MITF: variants seen among roughly 807,000 people sequenced by gnomAD.
MITF encodes microphthalmia-associated transcription factor.
MITF carries 17 observed loss-of-function variants against 60.5 expected under a neutral mutation model. The ratio of observed to expected loss-of-function variants is 0.28; its 90% confidence interval spans 0.19 to 0.42. MITF has a LOEUF of 0.42. MITF is among the 10% of genes least tolerant of loss of function. The pLI is 1.00. For synonymous variants in MITF, 260 were observed against 248.5 expected, an observed-to-expected ratio of 1.05 and a Z score of -0.43; for missense variants, 622 against 683.5, an observed-to-expected ratio of 0.91 and a Z score of 1.00.
At chr3:69,753,779 T>G (rs1704025748) in intron 1 of MITF, among the ~76,000 whole-genome samples, 1 of 152,224 alleles carries the variant, frequency 6.6e-6, no homozygotes, top group Non-Finnish European at 1.5e-5. Flanking sequence ...AATTTCTTCC[T>G]TTTTGAACAG....
At chr3:69,842,867 CTTTAT>C (rs1241642189) in intron 1 of MITF, among the ~76,000 whole-genome samples, 3 of 152,074 alleles carry the variant, frequency 2.0e-5, no homozygotes, top group East Asian at 1.9e-4. Flanking sequence ...GTGGTGTAAA[CTTTAT>C]TTTGTTTGTT....
chr3:69,912,141 G>A (rs931416953), intron 2 of MITF, among the ~76,000 whole-genome samples: 2 of 152,176 alleles, frequency 1.3e-5, no homozygotes, highest in Non-Finnish European at 2.9e-5. Context: ...GTTTGTTCAA[G>A]CACATGTATG....
chr3:69,918,080 G>C (rs1298425395), intron 2 of MITF, among the ~76,000 whole-genome samples: 1 of 151,486 alleles, frequency 6.6e-6, no homozygotes, highest in African/African-American at 2.4e-5. Context: ...TTTTGTTTTT[G>C]TTGAGACACA....
chr3:69,849,287 C>G (rs1263394112), intron 1 of MITF, among the ~76,000 whole-genome samples: 1 of 152,116 alleles, frequency 6.6e-6, no homozygotes, highest in Non-Finnish European at 1.5e-5. Context: ...TCTACAGTAC[C>G]TCTTGGGTCT....
rs1255998623 is a variant in MITF at position 69,855,586 on chromosome 3, CCTG to C, written c.105-23545_105-23543del. On this transcript the variant is annotated intron_variant, in intron 1 of 9. Coordinates refer to ENST00000352241, the MANE Select transcript of MITF (RefSeq NM_001354604.2). The stretch of plus-strand genomic sequence containing the variant: ...TTTTTTTTTCAAGTACAACACAAAA[CCTG>C]CTCACGAATCCCAAAGCATTATAAA... Among the ~76,000 whole-genome samples the C allele has an allele frequency of 2.6e-5, 4 of 151,670 alleles. 1 individual carries two copies. Among genetic ancestry groups the C allele is most frequent in the Admixed American group, 2.0e-4 (3 of 15,216 alleles).
chr3:69,780,760 A>T (rs142439906), intron 1 of MITF, among the ~76,000 whole-genome samples: 151 of 152,322 alleles, frequency 9.9e-4, no homozygotes, highest in Middle Eastern at 3.4e-3. Context: ...GATTGTTTCA[A>T]CAGGGAATAA....
At chr3:69,829,448 T>G (rs1266472301) in intron 1 of MITF, among the ~76,000 whole-genome samples, 1 of 152,236 alleles carries the variant, frequency 6.6e-6, no homozygotes, top group Non-Finnish European at 1.5e-5. Context: ...ATATTCTATT[T>G]AACTGTGACT....
chr3:69,805,200 G>A (rs1476797101), intron 1 of MITF, among the ~76,000 whole-genome samples: 4 of 151,910 alleles, frequency 2.6e-5, no homozygotes, highest in South Asian at 2.1e-4. Context: ...CTATTGCCAC[G>A]TGTTTCTTAA....
chr3:69,893,481 G>A (rs2064803649), intron 2 of MITF, among the ~76,000 whole-genome samples: 1 of 152,068 alleles, frequency 6.6e-6, no homozygotes, highest in South Asian at 2.1e-4. Flanking sequence ...CTTGCTCTGA[G>A]GAGTAAGTGA....
intron 2 of MITF, among the ~76,000 whole-genome samples, chr3:69,927,073 C>T (rs371778563): frequency 1.3e-5 from 2 of 150,756 alleles, no homozygotes; most frequent in Admixed American, 6.6e-5. Flanking sequence ...GAGAATTTAT[C>T]GCTCGGGAAT....
intron 1 of MITF, among the ~76,000 whole-genome samples, chr3:69,814,323 C>T (rs2107013215): frequency 6.6e-6 from 1 of 151,854 alleles, no homozygotes; most frequent in African/African-American, 2.4e-5. Flanking sequence ...TTTAATAAGT[C>T]TTCTCCCATT....
intron 1 of MITF, among the ~76,000 whole-genome samples, chr3:69,781,754 C>A (rs2062568205): frequency 6.6e-6 from 1 of 152,174 alleles, no homozygotes; most frequent in South Asian, 2.1e-4. Flanking sequence ...TACCTCCTAG[C>A]CACAGCAGCA....
In MITF at chr3:69,815,926, G is replaced by A. The variant is rs114986207; in HGVS notation, c.105-63208G>A. 6.7e-3 allele frequency among the ~76,000 whole-genome samples: 1,026 copies of A among 152,180 alleles called. 10 individuals carry two copies. The highest frequency in any genetic ancestry group is 0.023 in the African/African-American group (965 of 41,522). ...ATTTTCTGAGAGTGGATCTAAAGTC[G>A]TCTTATTGTAGGCTTAGTTTAGCCC... On this transcript the variant is annotated intron_variant, in intron 1 of 9. Coordinates refer to ENST00000352241, the MANE Select transcript of MITF (RefSeq NM_001354604.2).
At chr3:69,948,416 A>G (rs370335742) in intron 5 of MITF, among the ~76,000 whole-genome samples, 35 of 150,890 alleles carry the variant, frequency 2.3e-4, no homozygotes, top group Middle Eastern at 6.8e-3. Flanking sequence ...TTTTTTTATT[A>G]TTATTCTCTT....
chr3:69,755,088 C>T (rs1230237631), intron 1 of MITF, among the ~76,000 whole-genome samples: 1 of 152,188 alleles, frequency 6.6e-6, no homozygotes, highest in African/African-American at 2.4e-5. Context: ...TTAAGGATGG[C>T]ACATGCTATT....
At chr3:69,748,031 C>T (rs143385732) in intron 1 of MITF, among the ~76,000 whole-genome samples, 2 of 152,238 alleles carry the variant, frequency 1.3e-5, no homozygotes, top group East Asian at 1.9e-4. Context: ...GATCATGCTT[C>T]CTGTCCACTC....
intron 1 of MITF, among the ~76,000 whole-genome samples, chr3:69,860,597 CAAAAAAAAAAAAAA>C (rs1039213953): frequency 4.9e-5 from 3 of 60,784 alleles, no homozygotes; most frequent in African/African-American, 2.1e-4. Flanking sequence ...GACTCCGTCT[CAAAAAAAAAAAAAA>C]AAAAAAAAAA....
intron 1 of MITF, among the ~76,000 whole-genome samples, chr3:69,812,199 G>C (rs2063111709): frequency 6.6e-6 from 1 of 152,142 alleles, no homozygotes; most frequent in African/African-American, 2.4e-5. Flanking sequence ...TATAGTCTTA[G>C]CTCTGTCCCA....
chr3:69,858,837 C>A (rs1434837423), intron 1 of MITF, among the ~76,000 whole-genome samples: 3 of 152,100 alleles, frequency 2.0e-5, no homozygotes, highest in Admixed American at 6.5e-5. Flanking sequence ...CTTTTATTTG[C>A]CCTAGAATTT....
Sources: allele counts gnomAD v4.1 joint callset (sites outside exome capture counted in the v4.1 genomes callset), GRCh38; gene constraint gnomAD v4.1.1; transcripts MANE v1.5; gene names NCBI Gene and HGNC (gene_info 2026-07-23, HGNC 2026-07-21).